ATG10: variants seen among roughly 807,000 people sequenced by gnomAD.
The protein encoded by ATG10 is ubiquitin-like-conjugating enzyme ATG10.
A neutral mutation model predicts 32.1 loss-of-function variants in ATG10; 30 were observed. That is an observed-to-expected ratio of 0.94 (90% CI 0.70 to 1.27). The LOEUF (loss-of-function observed/expected upper bound fraction) is 1.27. ATG10 is among the 50% of genes most tolerant of loss of function. ATG10 has a pLI of 0.00. For synonymous variants in ATG10, 87 were observed against 91.5 expected (o/e 0.95, Z 0.28); for missense variants, 233 against 262.3 (o/e 0.89, Z 0.77).
intron 3 of ATG10, among the ~76,000 whole-genome samples, chr5:82,135,969 T>C (rs1766721767): frequency 6.6e-6 from 1 of 152,232 alleles, no homozygotes; most frequent in African/African-American, 2.4e-5. Flanking sequence ...CTTTACCATA[T>C]GTAATGCCCT....
chr5:82,252,008 T>C (rs1747272495), intron 5 of ATG10, among the ~76,000 whole-genome samples: 1 of 151,966 alleles, frequency 6.6e-6, no homozygotes, highest in African/African-American at 2.4e-5. Flanking sequence ...CAAACAGAAG[T>C]AGAACAATTT....
chr5:82,021,377 C>G (rs1288534788), intron 2 of ATG10, among the ~76,000 whole-genome samples: 1 of 152,080 alleles, frequency 6.6e-6, no homozygotes, highest in Non-Finnish European at 1.5e-5. Flanking sequence ...CTTCCCATAC[C>G]AAAATCTGCA....
intron 2 of ATG10, among the ~76,000 whole-genome samples, chr5:82,011,601 C>G (rs1739496512): frequency 6.6e-6 from 1 of 152,204 alleles, no homozygotes; most frequent in Non-Finnish European, 1.5e-5. Flanking sequence ...TTCGTTCTCT[C>G]AACGTTACAT....
intron 3 of ATG10, among the ~76,000 whole-genome samples, chr5:82,139,748 T>A (rs1488424106): frequency 3.9e-5 from 5 of 127,686 alleles, no homozygotes; most frequent in Non-Finnish European, 8.3e-5. Context: ...AGCCGCCCCG[T>A]CCGGGAGGCG....
At chr5:82,110,261 G>C (rs1290777129) in intron 3 of ATG10, among the ~76,000 whole-genome samples, 2 of 151,972 alleles carry the variant, frequency 1.3e-5, no homozygotes, top group African/African-American at 2.4e-5. Context: ...AATAAACATA[G>C]GTGTGCATGT....
At chr5:82,229,223 A>C (rs2150003145) in intron 5 of ATG10, among the ~76,000 whole-genome samples, 1 of 152,252 alleles carries the variant, frequency 6.6e-6, no homozygotes, top group African/African-American at 2.4e-5. Context: ...CTCTGAGACA[A>C]TTTTACTTCA....
At chr5:82,224,693 A>C (rs1441613769) in intron 5 of ATG10, among the ~76,000 whole-genome samples, 1 of 152,154 alleles carries the variant, frequency 6.6e-6, no homozygotes, top group Non-Finnish European at 1.5e-5. Context: ...TTTAAAGGAA[A>C]GCTGTGCTGG....
intron 2 of ATG10, among the ~76,000 whole-genome samples, chr5:82,030,770 C>A (rs1196159778): frequency 6.6e-6 from 1 of 152,184 alleles, no homozygotes; most frequent in African/African-American, 2.4e-5. Context: ...TACGTGACAG[C>A]CTGTCACATT....
At chr5:82,105,320 C>T (rs1317494359) in intron 3 of ATG10, among the ~76,000 whole-genome samples, 2 of 151,948 alleles carry the variant, frequency 1.3e-5, no homozygotes, top group South Asian at 4.2e-4. Flanking sequence ...TTCCACACTT[C>T]AAAATGTCTT....
At position 82,050,603 on chromosome 5, in the gene ATG10, TA is replaced by T. The variant is rs762278184; in HGVS notation, c.109-7891del. Among the ~76,000 whole-genome samples, 14 of 151,996 alleles carry T rather than the reference TA, an allele frequency of 9.2e-5. No homozygotes were observed. In the South Asian group the frequency reaches 1.0e-3, roughly 11 times the overall value. On this transcript the variant is annotated intron_variant, in intron 2 of 7. Transcript: ENST00000282185. The stretch of plus-strand genomic sequence containing the variant: ...TTCATTGCAGAAGTAAGTAGTATAA[TA>T]GGGGGTATAATTCTCTGTACTATAA...
intron 5 of ATG10, among the ~76,000 whole-genome samples, chr5:82,215,867 G>A (rs1049370623): frequency 3.3e-5 from 5 of 151,336 alleles, no homozygotes; most frequent in African/African-American, 9.7e-5. Context: ...CCTGGGAGGT[G>A]AAGGTTGCAG....
At chr5:82,047,523 T>G (rs1406223259) in intron 2 of ATG10, among the ~76,000 whole-genome samples, 1 of 152,232 alleles carries the variant, frequency 6.6e-6, no homozygotes, top group East Asian at 1.9e-4. Flanking sequence ...AACTTGCGTT[T>G]GATAAACAGG....
intron 2 of ATG10, among the ~76,000 whole-genome samples, chr5:82,027,371 C>T (rs2149712075): frequency 6.6e-6 from 1 of 152,078 alleles, no homozygotes; most frequent in East Asian, 1.9e-4. Flanking sequence ...TGCACTCTAG[C>T]TGGGGTGACA....
At chr5:81,973,720 T>A (rs990287793) in intron 1 of ATG10, among the ~76,000 whole-genome samples, 15 of 152,332 alleles carry the variant, frequency 9.8e-5, no homozygotes, top group African/African-American at 3.1e-4. Flanking sequence ...CCTTTCTCAT[T>A]GCTTCAGAAA....
chr5:82,159,158 C>T (rs1309557794), intron 3 of ATG10, among the ~76,000 whole-genome samples: 1 of 152,112 alleles, frequency 6.6e-6, no homozygotes, highest in African/African-American at 2.4e-5. Flanking sequence ...TCTGAAGACC[C>T]AGATTGCTAC....
intron 5 of ATG10, among the ~76,000 whole-genome samples, chr5:82,212,093 C>T (rs1745517570): frequency 6.6e-6 from 1 of 152,160 alleles, no homozygotes; most frequent in African/African-American, 2.4e-5. Flanking sequence ...TTCTGTCTCC[C>T]CAAAGGCAAT....
intron 3 of ATG10, among the ~76,000 whole-genome samples, chr5:82,090,621 G>A (rs1206254373): frequency 3.9e-5 from 6 of 152,280 alleles, no homozygotes; most frequent in Middle Eastern, 3.4e-3. Context: ...AGGGTGGTGG[G>A]TGTGGCTGTA....
At chr5:82,081,389 C>T (rs1764476647) in intron 3 of ATG10, among the ~76,000 whole-genome samples, 1 of 152,136 alleles carries the variant, frequency 6.6e-6, no homozygotes, top group African/African-American at 2.4e-5. Context: ...GAACTTCCAA[C>T]ACTGTGTTGA....
chr5:82,132,025 T>C (rs542334632), intron 3 of ATG10, among the ~76,000 whole-genome samples: 1 of 152,140 alleles, frequency 6.6e-6, no homozygotes, highest in South Asian at 2.1e-4. Flanking sequence ...TCACACACTA[T>C]TGTGAGGAGA....
Sources: allele counts gnomAD v4.1 joint callset (sites outside exome capture counted in the v4.1 genomes callset), GRCh38; gene constraint gnomAD v4.1.1; transcripts MANE v1.5; gene names NCBI Gene and HGNC (gene_info 2026-07-23, HGNC 2026-07-21).